The following GNB1L variants were observed in gnomAD, a reference collection of about 807,000 sequenced individuals.
GNB1L encodes G protein subunit beta 1 like.
Under a neutral mutation model 29.1 loss-of-function variants are expected in GNB1L, and 20 were observed. The observed-to-expected ratio is 0.69, with a 90% CI of 0.48 to 1.00. The LOEUF (loss-of-function observed/expected upper bound fraction) is 1.00. GNB1L is among the 50% of genes least tolerant of loss of function. The pLI is 0.00. For missense variants in GNB1L, 421 were observed against 464.9 expected (o/e 0.91, Z 0.87); for synonymous variants, 193 against 206.5 (o/e 0.93, Z 0.56).
At chr22:19,812,074 A>C (rs1284871535) in intron 5 of GNB1L, among the ~76,000 whole-genome samples, 1 of 151,880 alleles carries the variant, frequency 6.6e-6, no homozygotes, top group Non-Finnish European at 1.5e-5. Flanking sequence ...TGATTCTCCC[A>C]CTGCCCTGGG....
chr22:19,792,602 AC>A, intron 7 of GNB1L: 1 of 1,598,210 alleles, frequency 6.3e-7, no homozygotes, highest in Non-Finnish European at 8.5e-7. Context: ...ACAAGTACAG[AC>A]CAGAGACAAA....
intron 5 of GNB1L, 42 bp from the exon 6 acceptor site, chr22:19,806,799 C>T (rs760317988): frequency 1.1e-5 from 14 of 1,332,950 alleles, no homozygotes; most frequent in Admixed American, 1.7e-5. Flanking sequence ...GTCGCCAAGT[C>T]GAGTCTGCGC....
At position 19,786,627 on chromosome 22, in the gene GNB1L, C is replaced by G. The variant is rs1028307471; in HGVS notation, c.*2082G>C. On this transcript the variant is annotated 3_prime_UTR_variant, in exon 8 of 8. Transcript: ENST00000329517. ...AGAACCCTCAGGGTGGGAGCTGAGGCGGGGCAGATGTGCCTTTGGCAAGGC... is the reference window on the plus strand; with the variant it reads ...AGAACCCTCAGGGTGGGAGCTGAGGGGGGGCAGATGTGCCTTTGGCAAGGC... 1 of 152,160 alleles carries G rather than the reference C, an allele frequency of 6.6e-6. No individual in the cohort carries two copies. Among genetic ancestry groups the G allele is most frequent in the Non-Finnish European group, 1.5e-5 (1 of 68,044 alleles). 9.4% of individuals were successfully genotyped at this position (152,160 alleles called of 1,614,324 possible).
chr22:19,853,574 T>C (rs544811227), intron 2 of GNB1L, among the ~76,000 whole-genome samples: 2 of 152,108 alleles, frequency 1.3e-5, no homozygotes, highest in South Asian at 4.1e-4. Flanking sequence ...TCATCCCACA[T>C]CTCCTATCTG....
chr22:19,842,938 C>A (rs527964013), intron 2 of GNB1L, among the ~76,000 whole-genome samples: 1 of 152,240 alleles, frequency 6.6e-6, no homozygotes, highest in Admixed American at 6.5e-5. Context: ...AACAGGTCTA[C>A]CAGCACTAAC....
chr22:19,853,989 C>T (rs994272300), intron 2 of GNB1L, among the ~76,000 whole-genome samples: 4 of 152,210 alleles, frequency 2.6e-5, no homozygotes, highest in African/African-American at 9.7e-5. Flanking sequence ...ACCCTGCCCA[C>T]TCACCTGCGC....
chr22:19,789,723 G>T (rs1201492163), intron 7 of GNB1L, among the ~76,000 whole-genome samples: 1 of 151,944 alleles, frequency 6.6e-6, no homozygotes, highest in Admixed American at 6.6e-5. Context: ...GCATGTGCCT[G>T]TAATCCCAAC....
chr22:19,848,069 T>C (rs1938008326), intron 2 of GNB1L: 1 of 985,382 alleles, frequency 1.0e-6, no homozygotes, highest in Admixed American at 6.1e-5. Flanking sequence ...CACATCTAAG[T>C]GCTTTAACTA....
intron 7 of GNB1L, among the ~76,000 whole-genome samples, chr22:19,790,916 A>G (rs772556667): frequency 2.8e-4 from 43 of 152,236 alleles, no homozygotes; most frequent in Non-Finnish European, 5.6e-4. Flanking sequence ...AGCATTAGGT[A>G]AGATTATATA....
intron 2 of GNB1L, among the ~76,000 whole-genome samples, chr22:19,853,592 T>A (rs1938161919): frequency 6.6e-6 from 1 of 151,900 alleles, no homozygotes; most frequent in Non-Finnish European, 1.5e-5. Context: ...CTGCTGGCCA[T>A]CCCCCCTCAG....
Position 19,821,336 on chromosome 22 carries a change from GGCGGGCA to G in GNB1L, c.13_19del (p.Cys5ArgfsTer65), listed in dbSNP as rs1569047604. On this transcript the variant is annotated frameshift_variant, in exon 3 of 8. Transcript: ENST00000329517. LOFTEE classifies it high-confidence loss of function. ...GACAAACTGGGGGTCTGGAGGTGGC[GGCGGGCA>G]GGGGGCCGTCATGCTGGGCAGGATG... 1 of 1,612,706 alleles carries G rather than the reference GGCGGGCA, an allele frequency of 6.2e-7. No individual in the cohort carries two copies. The highest frequency in any genetic ancestry group is 8.5e-7 in the Non-Finnish European group (1 of 1,179,710).
intron 2 of GNB1L, among the ~76,000 whole-genome samples, chr22:19,829,808 C>A (rs770773177): frequency 1.3e-5 from 2 of 151,906 alleles, no homozygotes; most frequent in Non-Finnish European, 2.9e-5. Context: ...TATTAAAATA[C>A]GTAAACAAAC....
chr22:19,850,584 G>A (rs1938071013), intron 2 of GNB1L: 1 of 1,172,892 alleles, frequency 8.5e-7, no homozygotes, highest in East Asian at 3.8e-5. Flanking sequence ...TAATCCCACA[G>A]GAAACATCAT....
chr22:19,849,379 T>C, intron 2 of GNB1L: 1 of 860,840 alleles, frequency 1.2e-6, no homozygotes, highest in South Asian at 5.3e-5. Context: ...GTTGTTTTTT[T>C]TTTTTTGGGA....
chr22:19,826,341 C>A (rs1475536788), intron 2 of GNB1L, among the ~76,000 whole-genome samples: 1 of 152,208 alleles, frequency 6.6e-6, no homozygotes, highest in Non-Finnish European at 1.5e-5. Context: ...AGAAGGAACC[C>A]ACCTGCAACC....
At chr22:19,806,625 C>T (rs367722248) in intron 6 of GNB1L, 34 bp downstream of exon 6, 163 of 1,368,548 alleles carry the variant, frequency 1.2e-4, no homozygotes, top group Non-Finnish European at 1.5e-4. Context: ...TGGGTGTGGC[C>T]GGCAGGGCGT....
At chr22:19,794,126 A>C (rs900069937) in intron 7 of GNB1L, among the ~76,000 whole-genome samples, 8 of 152,158 alleles carry the variant, frequency 5.3e-5, no homozygotes, top group Non-Finnish European at 1.2e-4. Context: ...AAACTTATCC[A>C]GGCATGGTGA....
chr22:19,808,484 A>C (rs1402093304), intron 5 of GNB1L, among the ~76,000 whole-genome samples: 1 of 152,184 alleles, frequency 6.6e-6, no homozygotes, highest in Non-Finnish European at 1.5e-5. Flanking sequence ...CTGAACTCCA[A>C]AGCCGGCCAA....
chr22:19,818,252 G>A (rs1293695861), intron 4 of GNB1L, among the ~76,000 whole-genome samples: 2 of 152,256 alleles, frequency 1.3e-5, no homozygotes, highest in Non-Finnish European at 2.9e-5. Context: ...GCTCCTGTCT[G>A]CAGGACAGCC....
Sources: gnomAD v4.1 joint callset for allele counts (sites outside exome capture counted in the v4.1 genomes callset) on GRCh38, gnomAD v4.1.1 for gene constraint, MANE v1.5 for transcripts, NCBI Gene and HGNC (gene_info 2026-07-23, HGNC 2026-07-21) for gene names.